SPTLC3: variants seen among roughly 807,000 people sequenced by gnomAD.
SPTLC3 encodes serine palmitoyltransferase 3.
SPTLC3 carries 36 observed loss-of-function variants against 59.3 expected under a neutral mutation model. The observed-to-expected ratio is 0.61, with a 90% CI of 0.47 to 0.80. The LOEUF is 0.80. Among genes scored for constraint, SPTLC3 ranks in the 30% least tolerant of loss-of-function variants. The pLI is 0.00. For synonymous variants in SPTLC3, 257 were observed against 240.8 expected (o/e 1.07, Z -0.62); for missense variants, 625 against 685.1 (o/e 0.91, Z 0.98).
intron 4 of SPTLC3, among the ~76,000 whole-genome samples, chr20:13,074,851 C>T (rs1988585518): frequency 6.6e-6 from 1 of 152,112 alleles, no homozygotes; most frequent in Non-Finnish European, 1.5e-5. Context: ...TGTTTATGGC[C>T]TGTCTCTGCT....
chr20:13,108,062 A>C (rs969402603), intron 6 of SPTLC3, among the ~76,000 whole-genome samples: 20 of 152,030 alleles, frequency 1.3e-4, no homozygotes, highest in African/African-American at 4.8e-4. Flanking sequence ...GCTTTTTCTG[A>C]ATTTCAGGAC....
chr20:13,011,178 C>T (rs1371553233), intron 1 of SPTLC3, among the ~76,000 whole-genome samples: 2 of 152,140 alleles, frequency 1.3e-5, no homozygotes, highest in East Asian at 3.9e-4. Context: ...TGTAATAGGG[C>T]AAACGAGGGC....
At chr20:13,102,589 C>A (rs1600279746) in intron 6 of SPTLC3, among the ~76,000 whole-genome samples, 1 of 152,126 alleles carries the variant, frequency 6.6e-6, no homozygotes. Flanking sequence ...TACTTGGTAG[C>A]CTCCATCTCC....
chr20:13,058,952 A>C (rs1987838011), intron 2 of SPTLC3, among the ~76,000 whole-genome samples: 1 of 152,174 alleles, frequency 6.6e-6, no homozygotes, highest in Non-Finnish European at 1.5e-5. Context: ...CTAATGTCCC[A>C]AAGAACCAAC....
At position 13,110,093 on chromosome 20, in the gene SPTLC3, T is replaced by G; in HGVS notation, c.827-19T>G. ...AAACCCTTTCATGACTCAATTTTTT[T>G]TTTTGGTATTATTTAAAGACACACA... On this transcript the variant is annotated intron_variant, in intron 6 of 11. Transcript: ENST00000399002. 2 of 1,578,930 alleles carry G rather than the reference T, an allele frequency of 1.3e-6. No homozygotes were observed. Among genetic ancestry groups the G allele is most frequent in the Non-Finnish European group, 1.7e-6 (2 of 1,167,612 alleles).
intron 4 of SPTLC3, among the ~76,000 whole-genome samples, chr20:13,090,088 C>T (rs6134784): frequency 2.6e-5 from 4 of 152,114 alleles, no homozygotes; most frequent in Non-Finnish European, 5.9e-5. Flanking sequence ...CTGTGCAGAC[C>T]TAGGAGTTCA....
intron 9 of SPTLC3, among the ~76,000 whole-genome samples, chr20:13,130,598 G>T (rs554369180): frequency 6.6e-6 from 1 of 152,358 alleles, no homozygotes; most frequent in Non-Finnish European, 1.5e-5. Flanking sequence ...CCTTCACTCT[G>T]CAGCCAGGCT....
intron 2 of SPTLC3, among the ~76,000 whole-genome samples, chr20:13,058,573 G>T (rs925973791): frequency 6.6e-6 from 1 of 152,164 alleles, no homozygotes; most frequent in East Asian, 1.9e-4. Flanking sequence ...CCTTGGTAGT[G>T]GGGGGTGAGG....
intron 6 of SPTLC3, among the ~76,000 whole-genome samples, chr20:13,099,455 A>G (rs1989530817): frequency 6.6e-6 from 1 of 152,208 alleles, no homozygotes; most frequent in African/African-American, 2.4e-5. Flanking sequence ...AGTGTATTCT[A>G]ACTTCTTACA....
intron 1 of SPTLC3, among the ~76,000 whole-genome samples, chr20:13,045,917 G>A (rs528385662): frequency 2.0e-5 from 3 of 152,064 alleles, no homozygotes; most frequent in African/African-American, 7.2e-5. Flanking sequence ...TTTGGTTACA[G>A]GTGAAGCTCA....
chr20:13,060,839 C>T (rs1453080594), intron 2 of SPTLC3, among the ~76,000 whole-genome samples: 1 of 142,568 alleles, frequency 7.0e-6, no homozygotes, highest in Non-Finnish European at 1.6e-5. Flanking sequence ...TGTGTGTATG[C>T]ACACACCACA....
chr20:13,068,762 A>T (rs1399616325), intron 2 of SPTLC3, among the ~76,000 whole-genome samples: 1 of 134,978 alleles, frequency 7.4e-6, no homozygotes, highest in Non-Finnish European at 1.7e-5. Flanking sequence ...AAAAAAAAAA[A>T]ACAACAACAA....
At position 13,027,215 on chromosome 20, in the gene SPTLC3, A is replaced by G. The variant is rs1011498118; in HGVS notation, c.117+17831A>G. ...TTTGCTTCTGGAGAACCCAAAATTA[A>G]GACAGTGATTTTTATAAAACACGGC... On this transcript the variant is annotated intron_variant, in intron 1 of 11. Coordinates refer to ENST00000399002, the MANE Select transcript of SPTLC3 (RefSeq NM_018327.4). 2.6e-5 allele frequency among the ~76,000 whole-genome samples: 4 copies of G among 152,198 alleles called. 1 individual carries two copies. Among genetic ancestry groups the G allele is most frequent in the African/African-American group, 9.7e-5 (4 of 41,442 alleles).
At position 13,029,811 on chromosome 20, in the gene SPTLC3, G is replaced by A. The variant is rs139056945; in HGVS notation, c.118-19134G>A. Among the ~76,000 whole-genome samples the A allele has an allele frequency of 1.6e-3, 247 of 152,242 alleles. 10 individuals are homozygous for A. The East Asian group carries it at 0.044, about 27-fold the overall frequency. On this transcript the variant is annotated intron_variant, in intron 1 of 11. Transcript: ENST00000399002. ...AACCAAAAGATGAACCAAGTTATAT[G>A]GGGTAATAGGCTATGTGCAGCCACA...
intron 1 of SPTLC3, among the ~76,000 whole-genome samples, chr20:13,022,869 C>T (rs189963131): frequency 6.6e-6 from 1 of 152,210 alleles, no homozygotes; most frequent in Non-Finnish European, 1.5e-5. Flanking sequence ...TCCCATGGCT[C>T]CCATTTCACT....
chr20:13,154,129 G>A lies in SPTLC3; in HGVS notation c.1406G>A (p.Gly469Asp). ...SVVPLLLYMPGKVAAFARHML... is the reference protein window; with the variant it reads ...SVVPLLLYMPDKVAAFARHML... ...GTTCCTCTGCTTCTTTATATGCCTG[G>A]TAAAGTAGCGTAAGTATCCAAGGCA... The change falls in exon 10 of 12, where the codon GGT becomes GAT. Residue 469 changes from glycine (G) to aspartate (D), a missense_variant. Physicochemically the swap from Gly to Asp is moderately conservative, Grantham distance 94. Transcript: ENST00000399002. 2 of 1,614,018 alleles carry A rather than the reference G, an allele frequency of 1.2e-6. No homozygotes were observed. The highest frequency in any genetic ancestry group is 1.7e-6 in the Non-Finnish European group (2 of 1,179,950).
intron 1 of SPTLC3, among the ~76,000 whole-genome samples, chr20:13,035,542 A>T (rs888978671): frequency 1.3e-5 from 2 of 152,214 alleles, no homozygotes; most frequent in African/African-American, 4.8e-5. Context: ...AAACAAAAAT[A>T]AAATTATCAG....
chr20:13,114,366 A>C (rs1990415461), intron 7 of SPTLC3, among the ~76,000 whole-genome samples: 1 of 152,266 alleles, frequency 6.6e-6, no homozygotes, highest in Non-Finnish European at 1.5e-5. Context: ...ATCCCTTATC[A>C]ACTCATAGTG....
At chr20:13,026,939 G>A (rs887110060) in intron 1 of SPTLC3, among the ~76,000 whole-genome samples, 4 of 152,206 alleles carry the variant, frequency 2.6e-5, no homozygotes, top group Non-Finnish European at 1.5e-5. Flanking sequence ...ACCTTTGACT[G>A]ATGGGAGCTG....
Sources: allele counts gnomAD v4.1 joint callset (sites outside exome capture counted in the v4.1 genomes callset), GRCh38; gene constraint gnomAD v4.1.1; transcripts MANE v1.5; gene names NCBI Gene and HGNC (gene_info 2026-07-23, HGNC 2026-07-21).